The following GALM variants were observed in gnomAD, a reference collection of about 807,000 sequenced individuals.
The protein encoded by GALM is galactose mutarotase, also known as aldose 1-epimerase.
In GALM, 43 loss-of-function variants were observed where a neutral mutation model predicts 37.4. The observed-to-expected ratio is 1.15, with a 90% CI of 0.90 to 1.48. The LOEUF is 1.48. Among genes scored for constraint, GALM ranks in the 40% most tolerant of loss-of-function variants. The pLI, the probability that GALM is intolerant of heterozygous loss-of-function variation, is 0.00. For synonymous variants in GALM, 199 were observed against 170.6 expected, an observed-to-expected ratio of 1.17 and a Z score of -1.30; for missense variants, 456 against 419.1, an observed-to-expected ratio of 1.09 and a Z score of -0.77.
At position 38,704,121 on chromosome 2, in the gene GALM, G is replaced by T. The variant is rs1356919888; in HGVS notation, c.634+14227G>T. Among the ~76,000 whole-genome samples the T allele has an allele frequency of 7.2e-5, 11 of 151,738 alleles. No homozygotes were observed. In the East Asian group the frequency reaches 2.1e-3, roughly 29 times the overall value. ...GCTGCATCACCTTGGCCCACAAAGG[G>T]GGTTTTCTTATCTTTTTTCCTCTTT... On this transcript the variant is annotated intron_variant, in intron 4 of 6. Transcript: ENST00000272252.
intron 4 of GALM, among the ~76,000 whole-genome samples, chr2:38,719,295 C>T (rs1387659356): frequency 1.3e-5 from 2 of 151,346 alleles, no homozygotes; most frequent in African/African-American, 4.9e-5. Flanking sequence ...GATGGTGAAA[C>T]CCTGTCTCTA....
rs1360613037 is a variant in GALM, at chr2:38,703,840, C to T, written c.634+13946C>T. ...CCAGCCTGGGCAACATGTTGAAACC[C>T]CCTCTCTGTGAAAATACAAAAACAA... On this transcript the variant is annotated intron_variant, in intron 4 of 6. Coordinates refer to ENST00000272252, the MANE Select transcript of GALM (RefSeq NM_138801.3). Among the ~76,000 whole-genome samples the T allele has an allele frequency of 2.6e-5, 4 of 151,920 alleles. No homozygotes were observed. In the South Asian group the frequency reaches 8.3e-4, roughly 32 times the overall value.
chr2:38,712,775 A>G (rs1443523255), intron 4 of GALM, among the ~76,000 whole-genome samples: 3 of 152,134 alleles, frequency 2.0e-5, no homozygotes, highest in Non-Finnish European at 4.4e-5. Flanking sequence ...ATCTCATCAG[A>G]GCGGAGGCTG....
At chr2:38,719,486 G>C (rs1044664700) in intron 4 of GALM, among the ~76,000 whole-genome samples, 1 of 149,656 alleles carries the variant, frequency 6.7e-6, no homozygotes, top group Admixed American at 6.7e-5. Flanking sequence ...AAAAAAATTA[G>C]GATCCTGGCT....
At chr2:38,695,358 G>C (rs1395273528) in intron 4 of GALM, among the ~76,000 whole-genome samples, 1 of 152,146 alleles carries the variant, frequency 6.6e-6, no homozygotes, top group Non-Finnish European at 1.5e-5. Flanking sequence ...CAAACTTACA[G>C]ACACAGTTAA....
intron 4 of GALM, among the ~76,000 whole-genome samples, chr2:38,712,249 G>A (rs1314830887): frequency 6.6e-6 from 1 of 152,100 alleles, no homozygotes; most frequent in East Asian, 1.9e-4. Flanking sequence ...TCTTCACCTA[G>A]TCATACACAA....
At chr2:38,677,052 G>A (rs1161851734) in intron 2 of GALM, among the ~76,000 whole-genome samples, 2 of 152,152 alleles carry the variant, frequency 1.3e-5, no homozygotes, top group Admixed American at 1.3e-4. Context: ...CATTCTTTAA[G>A]CAGATCCCTA....
At chr2:38,672,030 G>A (rs547567133) in intron 1 of GALM, among the ~76,000 whole-genome samples, 132 of 144,624 alleles carry the variant, frequency 9.1e-4, no homozygotes, top group East Asian at 2.6e-3. Context: ...TAATTATGGG[G>A]AAAAAAAAAA....
chr2:38,710,574 A>T (rs1447559056), intron 4 of GALM, among the ~76,000 whole-genome samples: 3 of 152,182 alleles, frequency 2.0e-5, no homozygotes, highest in African/African-American at 2.4e-5. Context: ...GCTATTATTT[A>T]AAAAATTTGT....
intron 4 of GALM, among the ~76,000 whole-genome samples, chr2:38,695,669 G>A (rs955303786): frequency 2.0e-5 from 3 of 152,170 alleles, no homozygotes. Context: ...TTATGTGTGT[G>A]TGGTTTTGTT....
chr2:38,730,646 C>T (rs998470524), intron 5 of GALM, among the ~76,000 whole-genome samples: 2 of 151,914 alleles, frequency 1.3e-5, no homozygotes, highest in African/African-American at 2.4e-5. Flanking sequence ...CCGGGCTGGG[C>T]GTGGTGGCTC....
chr2:38,713,569 C>T (rs757750933), intron 4 of GALM, among the ~76,000 whole-genome samples: 3 of 152,078 alleles, frequency 2.0e-5, no homozygotes, highest in Non-Finnish European at 4.4e-5. Context: ...ACATTATTCT[C>T]AGGAAAACAG....
intron 4 of GALM, among the ~76,000 whole-genome samples, chr2:38,723,898 G>A (rs1331328697): frequency 1.3e-5 from 2 of 152,162 alleles, no homozygotes; most frequent in African/African-American, 4.8e-5. Flanking sequence ...TAGGCTGTGT[G>A]TGCACTCTGA....
chr2:38,717,151 G>A (rs1666284379), intron 4 of GALM, among the ~76,000 whole-genome samples: 1 of 152,028 alleles, frequency 6.6e-6, no homozygotes, highest in Non-Finnish European at 1.5e-5. Flanking sequence ...TCGGTAGGCC[G>A]AGGCAGGAGA....
At chr2:38,723,460 G>T (rs147215949) in intron 4 of GALM, among the ~76,000 whole-genome samples, 1 of 152,134 alleles carries the variant, frequency 6.6e-6, no homozygotes, top group Non-Finnish European at 1.5e-5. Flanking sequence ...GCCAATGAGC[G>T]TTCTTTCAGA....
intron 1 of GALM, among the ~76,000 whole-genome samples, chr2:38,675,543 T>TTGTGTGTGTGTGTGTG (rs1160196072): frequency 5.9e-5 from 2 of 33,638 alleles, no homozygotes; most frequent in Non-Finnish European, 1.2e-4. Context: ...TTTTTTTTTT[T>TTGTGTGTGTGTGTGTG]TGTGTGTGTG....
At chr2:38,703,057 TATATATA>T (rs1665952653) in intron 4 of GALM, among the ~76,000 whole-genome samples, 33 of 2,940 alleles carry the variant, frequency 0.011, no homozygotes, top group African/African-American at 0.018. Context: ...TGGGATTTTA[TATATATA>T]TATATATATA....
chr2:38,697,836 C>T (rs988416705), intron 4 of GALM, among the ~76,000 whole-genome samples: 8 of 152,140 alleles, frequency 5.3e-5, no homozygotes, highest in Non-Finnish European at 1.2e-4. Flanking sequence ...CTTACGTCTT[C>T]AATGCAGAGC....
At chr2:38,714,197 T>G (rs1666223832) in intron 4 of GALM, among the ~76,000 whole-genome samples, 3 of 151,976 alleles carry the variant, frequency 2.0e-5, no homozygotes, top group Non-Finnish European at 2.9e-5. Context: ...ATTTAACTAC[T>G]TTGGGGTTTT....
Sources: allele counts gnomAD v4.1 joint callset (sites outside exome capture counted in the v4.1 genomes callset), GRCh38; gene constraint gnomAD v4.1.1; transcripts MANE v1.5; gene names NCBI Gene and HGNC (gene_info 2026-07-23, HGNC 2026-07-21).